The following FBXL7 variants were observed in gnomAD, a reference collection of about 807,000 sequenced individuals.
The protein encoded by FBXL7 is F-box and leucine rich repeat protein 7, also known as F-box/LRR-repeat protein 7.
A neutral mutation model predicts 38.3 loss-of-function variants in FBXL7; 12 were observed. The observed-to-expected ratio is 0.31, with a 90% CI of 0.20 to 0.51. The LOEUF (loss-of-function observed/expected upper bound fraction) is 0.51, where lower values mean the gene tolerates loss of function less well. Among genes scored for constraint, FBXL7 ranks in the 20% least tolerant of loss-of-function variants. The probability of loss-of-function intolerance (pLI) is 0.98; values close to 1 mark genes in which losing one functional copy is unlikely to be tolerated. For missense variants in FBXL7, 567 were observed against 676.4 expected, an observed-to-expected ratio of 0.84 and a Z score of 1.79; for synonymous variants, 297 against 300.9, an observed-to-expected ratio of 0.99 and a Z score of 0.13.
chr5:15,755,517 G>C (rs1028301643), intron 2 of FBXL7, among the ~76,000 whole-genome samples: 1 of 152,150 alleles, frequency 6.6e-6, no homozygotes, highest in African/African-American at 2.4e-5. Context: ...GATTAGATCA[G>C]TAGTTCTTTA....
chr5:15,768,705 C>A (rs1029610101), intron 2 of FBXL7, among the ~76,000 whole-genome samples: 1 of 152,136 alleles, frequency 6.6e-6, no homozygotes, highest in Non-Finnish European at 1.5e-5. Flanking sequence ...AGAGCGTGGT[C>A]CACTCATGGT....
chr5:15,868,877 C>T (rs1739831451), intron 2 of FBXL7, among the ~76,000 whole-genome samples: 1 of 152,152 alleles, frequency 6.6e-6, no homozygotes, highest in African/African-American at 2.4e-5. Context: ...CCCCGTAGTA[C>T]TTGCCACTAG....
At chr5:15,892,711 G>T (rs1216766190) in intron 2 of FBXL7, among the ~76,000 whole-genome samples, 1 of 152,230 alleles carries the variant, frequency 6.6e-6, no homozygotes, top group Non-Finnish European at 1.5e-5. Context: ...GAAAGGGAAT[G>T]CAGTGTGCCT....
At chr5:15,606,475 A>T (rs1740024028) in intron 1 of FBXL7, among the ~76,000 whole-genome samples, 1 of 152,206 alleles carries the variant, frequency 6.6e-6, no homozygotes, top group Non-Finnish European at 1.5e-5. Context: ...ATCCTGGATC[A>T]CTCCAGTTAT....
intron 2 of FBXL7, among the ~76,000 whole-genome samples, chr5:15,882,213 C>A (rs1438295635): frequency 6.6e-6 from 1 of 152,160 alleles, no homozygotes; most frequent in African/African-American, 2.4e-5. Context: ...GAGATTTGGG[C>A]AGGAACACAG....
chr5:15,823,413 A>T (rs1191909936), intron 2 of FBXL7, among the ~76,000 whole-genome samples: 2 of 152,222 alleles, frequency 1.3e-5, no homozygotes, highest in Non-Finnish European at 2.9e-5. Context: ...GTTTCAAAGC[A>T]TGTGTAATCT....
At chr5:15,935,087 C>G (rs191768191) in intron 3 of FBXL7, 258 of 517,220 alleles carry the variant, frequency 5.0e-4, no homozygotes, top group African/African-American at 3.6e-3. Flanking sequence ...TTCCAGTGCT[C>G]AGAGGCTGGA....
At chr5:15,574,023 A>G (rs1470631851) in intron 1 of FBXL7, among the ~76,000 whole-genome samples, 1 of 152,188 alleles carries the variant, frequency 6.6e-6, no homozygotes, top group Admixed American at 6.5e-5. Context: ...CTTCTTACTT[A>G]ACTCTTTAAG....
At chr5:15,842,517 G>A (rs1210009728) in intron 2 of FBXL7, among the ~76,000 whole-genome samples, 1 of 152,166 alleles carries the variant, frequency 6.6e-6, no homozygotes, top group Non-Finnish European at 1.5e-5. Context: ...TGTTGGGAAG[G>A]CATGATTGGT....
At chr5:15,606,895 C>G (rs879128378) in intron 1 of FBXL7, 1 of 152,178 alleles carries the variant, frequency 6.6e-6, no homozygotes, top group African/African-American at 2.4e-5. Flanking sequence ...TCCCCTTTGG[C>G]TTGAAAGAGC....
chr5:15,676,339 C>T (rs1185521446), intron 2 of FBXL7, among the ~76,000 whole-genome samples: 4 of 152,114 alleles, frequency 2.6e-5, no homozygotes, highest in Non-Finnish European at 4.4e-5. Flanking sequence ...CTGTCATATC[C>T]GATTGGCTAA....
intron 2 of FBXL7, among the ~76,000 whole-genome samples, chr5:15,848,479 T>C (rs1738989236): frequency 6.6e-6 from 1 of 152,120 alleles, no homozygotes; most frequent in East Asian, 1.9e-4. Context: ...CCTCCCAGGT[T>C]CAAGCGATTC....
intron 2 of FBXL7, among the ~76,000 whole-genome samples, chr5:15,918,800 C>T (rs949900660): frequency 6.6e-6 from 1 of 152,212 alleles, no homozygotes; most frequent in Non-Finnish European, 1.5e-5. Context: ...TCTCTGCCAT[C>T]GTCTGATCCT....
chr5:15,830,483 AAAACACACACAC>A (rs1380029120), intron 2 of FBXL7, among the ~76,000 whole-genome samples: 393 of 34,218 alleles, frequency 0.011, 3 homozygotes, highest in Non-Finnish European at 0.024. Flanking sequence ...GACTCCATCT[AAAACACACACAC>A]ACACACACAC....
intron 1 of FBXL7, among the ~76,000 whole-genome samples, chr5:15,590,698 CT>C (rs1739445717): frequency 6.6e-6 from 1 of 152,066 alleles, no homozygotes. Context: ...TTTATAGCCA[CT>C]GTAGTGGTGA....
At position 15,675,903 on chromosome 5, in the gene FBXL7, A is replaced by G. The variant is rs577081556; in HGVS notation, c.127+59831A>G. ...TGAGTGATAGAAATTGGCCGCTACA[A>G]TGAAGTCTGGAAGTGGCATCATAAG... On this transcript the variant is annotated intron_variant, in intron 2 of 3. Transcript: ENST00000504595. Among the ~76,000 whole-genome samples the G allele has an allele frequency of 4.6e-5, 7 of 152,322 alleles. No individual in the cohort carries two copies. In the South Asian group the frequency reaches 6.2e-4, roughly 14 times the overall value.
At chr5:15,748,510 A>G (rs1736070960) in intron 2 of FBXL7, among the ~76,000 whole-genome samples, 1 of 152,128 alleles carries the variant, frequency 6.6e-6, no homozygotes, top group Non-Finnish European at 1.5e-5. Flanking sequence ...TGTAAATGGG[A>G]GTTCCCCTAC....
intron 2 of FBXL7, among the ~76,000 whole-genome samples, chr5:15,723,049 C>T (rs1159326879): frequency 6.6e-6 from 1 of 151,828 alleles, no homozygotes; most frequent in East Asian, 1.9e-4. Context: ...AAGATGTATG[C>T]ACACATTATA....
rs531437887 is a variant in FBXL7 at position 15,528,830 on chromosome 5, A to G, written c.37+28117A>G. Among the ~76,000 whole-genome samples, 42 of 152,200 alleles carry G rather than the reference A, an allele frequency of 2.8e-4. 1 individual carries two copies. The highest frequency in any genetic ancestry group is 5.9e-4 in the Admixed American group (9 of 15,280). Reference sequence around the variant, plus strand: ...TTTAGCCTTTAATTGACAAAATTGTATATATTCGTTGCATACAGCATGTTT... The same window carrying G: ...TTTAGCCTTTAATTGACAAAATTGTGTATATTCGTTGCATACAGCATGTTT... On this transcript the variant is annotated intron_variant, in intron 1 of 3. Transcript: ENST00000504595.
Sources: allele counts gnomAD v4.1 joint callset (sites outside exome capture counted in the v4.1 genomes callset), GRCh38; gene constraint gnomAD v4.1.1; transcripts MANE v1.5; gene names NCBI Gene and HGNC (gene_info 2026-07-23, HGNC 2026-07-21).